TENM3: variants seen among roughly 807,000 people sequenced by gnomAD.
TENM3 encodes teneurin-3.
TENM3 carries 63 observed loss-of-function variants against 255.1 expected under a neutral mutation model. The observed-to-expected ratio is 0.25, with a 90% CI of 0.20 to 0.30. TENM3 has a LOEUF of 0.30. TENM3 is among the 10% of genes least tolerant of loss of function. TENM3 has a pLI of 1.00. For synonymous variants in TENM3, 1,306 were observed against 1,322.3 expected (o/e 0.99, Z 0.27); for missense variants, 2,929 against 3,461.1 (o/e 0.85, Z 3.86).
chr4:182,800,501 C>G lies in TENM3; in HGVS notation c.*150C>G. The G allele has an allele frequency of 1.1e-6, 1 of 929,146 alleles. No homozygotes were observed. Among genetic ancestry groups the G allele is most frequent in the Non-Finnish European group, 1.5e-6 (1 of 646,070 alleles). 57.6% of individuals were successfully genotyped at this position (929,146 alleles called of 1,614,324 possible). ...ACACCCACACCGCGAAAACAAGGAC[C>G]GCTTTTTTCCGAATGACCTTAAAGG... On this transcript the variant is annotated 3_prime_UTR_variant, in exon 28 of 28. Coordinates refer to ENST00000511685, the MANE Select transcript of TENM3 (RefSeq NM_001080477.4).
the TENM3 span, among the ~76,000 whole-genome samples, chr4:181,512,570 G>T: frequency 6.6e-6 from 1 of 152,018 alleles, no homozygotes. Flanking sequence ...CTTCTTTTTG[G>T]AAAGGCTCAA....
In TENM3 at chr4:182,731,694, GGTGTGTGTGTGT is replaced by G. The variant is rs70956536; in HGVS notation, c.2967+588_2967+599del. ...AGAATGAATATATAGTGGGTGTTGGGGTGTGTGTGTGTGTGTGTGTGTGTGTGTGTGTGTGTG... is the reference window on the plus strand; with the variant it reads ...AGAATGAATATATAGTGGGTGTTGGGGTGTGTGTGTGTGTGTGTGTGTGTG... On this transcript the variant is annotated intron_variant, in intron 16 of 27. Coordinates refer to ENST00000511685, the MANE Select transcript of TENM3 (RefSeq NM_001080477.4). 6.0e-3 allele frequency among the ~76,000 whole-genome samples: 750 copies of G among 124,744 alleles called. 2 individuals are homozygous for G. Among genetic ancestry groups the G allele is most frequent in the Admixed American group, 0.015 (187 of 12,714 alleles). 81.8% of individuals were successfully genotyped at this position (124,744 alleles called of 152,430 possible).
At chr4:182,397,269 C>T (rs779673595) in intron 3 of TENM3, among the ~76,000 whole-genome samples, 5 of 150,068 alleles carry the variant, frequency 3.3e-5, no homozygotes, top group East Asian at 2.0e-4. Flanking sequence ...GGTGTGGTGG[C>T]GGGTGCCTGT....
At chr4:181,654,709 G>A in the TENM3 span, among the ~76,000 whole-genome samples, 15 of 145,356 alleles carry the variant, frequency 1.0e-4, no homozygotes, top group South Asian at 6.5e-4. Flanking sequence ...AGCCGAGATC[G>A]CGCCACTGCA....
rs1179790148 is a variant in TENM3 at position 182,750,718 on chromosome 4, G to A, written c.3630-1082G>A. Among the ~76,000 whole-genome samples, 8 of 152,240 alleles carry A rather than the reference G, an allele frequency of 5.3e-5. No homozygotes were observed. In the East Asian group the frequency reaches 9.6e-4, roughly 18 times the overall value. ...TGTGTGTGTGTGTGTGTTCGTGGCT[G>A]TATGTGGAAAGAGGGAGAGGAAGAG... On this transcript the variant is annotated intron_variant, in intron 19 of 27. Coordinates refer to ENST00000511685, the MANE Select transcript of TENM3 (RefSeq NM_001080477.4).
the TENM3 span, among the ~76,000 whole-genome samples, chr4:181,534,464 C>T: frequency 3.9e-5 from 4 of 101,634 alleles, no homozygotes; most frequent in Middle Eastern, 4.8e-3. Context: ...TCCCTGAGGT[C>T]TTCCCCCCCC....
At chr4:182,006,013 CA>C in the TENM3 span, among the ~76,000 whole-genome samples, 3 of 152,168 alleles carry the variant, frequency 2.0e-5, no homozygotes, top group Admixed American at 2.0e-4. Flanking sequence ...AGCCTGCCAG[CA>C]GAGACAACTT....
chr4:181,548,271 G>A, the TENM3 span, among the ~76,000 whole-genome samples: 10 of 152,116 alleles, frequency 6.6e-5, no homozygotes, highest in Admixed American at 6.6e-4. Context: ...CAGGAATCTG[G>A]AACTAGAAAT....
intron 3 of TENM3, among the ~76,000 whole-genome samples, chr4:182,459,038 T>C (rs557850533): frequency 6.6e-6 from 1 of 152,226 alleles, no homozygotes; most frequent in Non-Finnish European, 1.5e-5. Flanking sequence ...TGCGTTTATT[T>C]CCAAGTCACA....
the TENM3 span, among the ~76,000 whole-genome samples, chr4:181,747,943 G>A: frequency 6.6e-6 from 1 of 151,556 alleles, no homozygotes. Context: ...TTGCATTTGG[G>A]TTTATTTCCA....
chr4:182,641,810 A>G (rs1752342971), intron 5 of TENM3, among the ~76,000 whole-genome samples: 1 of 152,200 alleles, frequency 6.6e-6, no homozygotes. Context: ...TACAGGCGCA[A>G]GCCACCGCGC....
chr4:182,703,613 A>G (rs776901304), intron 12 of TENM3, among the ~76,000 whole-genome samples: 6 of 152,240 alleles, frequency 3.9e-5, no homozygotes, highest in East Asian at 1.9e-4. Flanking sequence ...AAATACAGCA[A>G]AATTACTTTC....
the TENM3 span, among the ~76,000 whole-genome samples, chr4:182,057,035 C>T: frequency 6.6e-6 from 1 of 151,110 alleles, no homozygotes; most frequent in South Asian, 2.1e-4. Flanking sequence ...AGAGAGATCT[C>T]GAATGCCCCA....
the TENM3 span, among the ~76,000 whole-genome samples, chr4:181,810,391 A>G: frequency 2.0e-5 from 3 of 152,080 alleles, no homozygotes; most frequent in African/African-American, 7.2e-5. Flanking sequence ...CCAGTAAATA[A>G]TGAACGAATC....
intron 3 of TENM3, among the ~76,000 whole-genome samples, chr4:182,420,444 T>C (rs1770742379): frequency 6.6e-6 from 1 of 152,320 alleles, no homozygotes; most frequent in East Asian, 1.9e-4. Context: ...GGTGAAGATT[T>C]ATTTTTGCCG....
chr4:181,817,814 C>T, the TENM3 span, among the ~76,000 whole-genome samples: 3 of 152,166 alleles, frequency 2.0e-5, no homozygotes, highest in African/African-American at 4.8e-5. Flanking sequence ...GCCCTCCCAG[C>T]CTCTAGAACT....
the TENM3 span, among the ~76,000 whole-genome samples, chr4:181,764,257 GA>G: frequency 6.6e-6 from 1 of 152,116 alleles, no homozygotes; most frequent in Admixed American, 6.6e-5. Context: ...CAGGAGAAGA[GA>G]GAGATTTGTT....
At chr4:182,181,840 C>T (rs970338372) in intron 1 of TENM3, among the ~76,000 whole-genome samples, 5 of 150,976 alleles carry the variant, frequency 3.3e-5, no homozygotes, top group Non-Finnish European at 5.9e-5. Flanking sequence ...ACTGATATTT[C>T]ATAAAAAATA....
intron 18 of TENM3, among the ~76,000 whole-genome samples, chr4:182,739,077 A>G (rs985892358): frequency 2.6e-5 from 4 of 152,160 alleles, no homozygotes; most frequent in Non-Finnish European, 5.9e-5. Context: ...TATTAGGGAA[A>G]TAAAGCATTC....
Sources: gnomAD v4.1 joint callset for allele counts (sites outside exome capture counted in the v4.1 genomes callset) on GRCh38, gnomAD v4.1.1 for gene constraint, MANE v1.5 for transcripts, NCBI Gene and HGNC (gene_info 2026-07-23, HGNC 2026-07-21) for gene names.